FER: variants seen among roughly 807,000 people sequenced by gnomAD.
The protein encoded by FER is tyrosine-protein kinase Fer.
Under a neutral mutation model 111.0 loss-of-function variants are expected in FER, and 63 were observed. The observed-to-expected ratio is 0.57, with a 90% CI of 0.46 to 0.70. The LOEUF (loss-of-function observed/expected upper bound fraction) is 0.70, where lower values mean the gene tolerates loss of function less well. FER is among the 30% of genes least tolerant of loss of function. The pLI is 0.00. For synonymous variants in FER, 327 were observed against 313.9 expected, an observed-to-expected ratio of 1.04 and a Z score of -0.44; for missense variants, 914 against 954.0, an observed-to-expected ratio of 0.96 and a Z score of 0.55.
intron 18 of FER, among the ~76,000 whole-genome samples, chr5:109,185,634 G>C (rs527282819): frequency 3.3e-5 from 5 of 151,934 alleles, no homozygotes; most frequent in African/African-American, 7.3e-5. Flanking sequence ...TTTATTCTTG[G>C]GGGGAGGGAG....
At chr5:109,009,121 C>T (rs960529400) in intron 13 of FER, among the ~76,000 whole-genome samples, 1 of 144,328 alleles carries the variant, frequency 6.9e-6, no homozygotes, top group African/African-American at 2.6e-5. Flanking sequence ...GATCTCGGCT[C>T]CCTGCAACTG....
chr5:109,123,550 G>A (rs191848867), intron 17 of FER, among the ~76,000 whole-genome samples: 35 of 151,816 alleles, frequency 2.3e-4, no homozygotes, highest in African/African-American at 7.7e-4. Flanking sequence ...TCTCTTGTAT[G>A]TTTTTAAATT....
rs550231760 is a variant in FER at position 109,182,274 on chromosome 5, G to T, written c.2203+1373G>T. 3.9e-5 allele frequency among the ~76,000 whole-genome samples: 6 copies of T among 152,320 alleles called. No individual in the cohort carries two copies. The South Asian group carries it at 1.2e-3, about 32-fold the overall frequency. ...GCTTTTGAATGTAATTGGTTTGGAA[G>T]TTGATTGGGGCTGACCCAGCTACCA... On this transcript the variant is annotated intron_variant, in intron 18 of 19. Transcript: ENST00000281092.
At chr5:109,017,061 G>A (rs1452906121) in intron 13 of FER, among the ~76,000 whole-genome samples, 1 of 151,960 alleles carries the variant, frequency 6.6e-6, no homozygotes, top group African/African-American at 2.4e-5. Context: ...CTTTGTTATG[G>A]CAGCCTAAGC....
chr5:108,970,698 ATGAACT>A (rs1481987600), intron 13 of FER, among the ~76,000 whole-genome samples: 2 of 152,170 alleles, frequency 1.3e-5, no homozygotes, highest in South Asian at 2.1e-4. Flanking sequence ...AAAAAGGAAA[ATGAACT>A]TGAAGTAGGT....
intron 13 of FER, among the ~76,000 whole-genome samples, chr5:109,018,605 T>C (rs1467020042): frequency 6.6e-6 from 1 of 151,798 alleles, no homozygotes; most frequent in Non-Finnish European, 1.5e-5. Context: ...TCCTTATCTG[T>C]AAATTGTGGT....
At chr5:108,962,667 G>C (rs988994561) in intron 13 of FER, among the ~76,000 whole-genome samples, 9 of 152,092 alleles carry the variant, frequency 5.9e-5, no homozygotes, top group Admixed American at 2.0e-4. Context: ...TAGGAGCCCA[G>C]GTAATTGCTG....
intron 16 of FER, among the ~76,000 whole-genome samples, chr5:109,077,658 A>G (rs1776497565): frequency 6.6e-6 from 1 of 152,214 alleles, no homozygotes. Flanking sequence ...CATCAGGGCA[A>G]TATTCCTTGT....
rs376837075 is a variant in FER at position 108,832,750 on chromosome 5, CTTT to C, written c.208-6_208-4del. ...AAACCTTTAATGCAAATGTTTGTTTCTTTTTTTTTTTTTTTTAAGTCTTGGCTA... is the reference window on the plus strand; with the variant it reads ...AAACCTTTAATGCAAATGTTTGTTTCTTTTTTTTTTTTTAAGTCTTGGCTA... On this transcript the variant is annotated splice_polypyrimidine_tract_variant and intron_variant, in intron 3 of 19. Coordinates refer to ENST00000281092, the MANE Select transcript of FER (RefSeq NM_005246.4). 6.9e-4 allele frequency: 877 copies of C among 1,276,848 alleles called. No individual in the cohort carries two copies. The highest frequency in any genetic ancestry group is 2.9e-3 in the South Asian group (136 of 47,388). The allele number at this position is 1,276,848 out of a possible 1,614,324, so 79.1% of individuals were successfully genotyped here. A position where few individuals can be genotyped will look rare whatever the true frequency, so the allele number is the denominator to read the frequency against.
chr5:109,165,225 C>T (rs868091431), intron 17 of FER, among the ~76,000 whole-genome samples: 2 of 152,114 alleles, frequency 1.3e-5, no homozygotes, highest in African/African-American at 4.8e-5. Context: ...TCACATGTTA[C>T]TACTTTCTGA....
rs1388765591 is a variant in FER, at chr5:108,996,192, T to G, written c.1656+36845T>G. Among the ~76,000 whole-genome samples, 6 of 152,176 alleles carry G rather than the reference T, an allele frequency of 3.9e-5. No homozygotes were observed. In the East Asian group the frequency reaches 1.2e-3, roughly 29 times the overall value. On this transcript the variant is annotated intron_variant, in intron 13 of 19. Transcript: ENST00000281092. ...TGTCAGATGGAGAGATTGCAAAAATTTTCTCCCATTCTGTAGGTTGCGTGT... is the reference window on the plus strand; with the variant it reads ...TGTCAGATGGAGAGATTGCAAAAATGTTCTCCCATTCTGTAGGTTGCGTGT...
At chr5:109,052,288 T>C (rs1772944915) in intron 16 of FER, 3 of 1,609,356 alleles carry the variant, frequency 1.9e-6, no homozygotes, top group Admixed American at 1.7e-5. Flanking sequence ...ACCAGGTTGC[T>C]GAGTGTTACA....
chr5:108,757,011 T>C (rs1243593179), intron 1 of FER, among the ~76,000 whole-genome samples: 1 of 152,210 alleles, frequency 6.6e-6, no homozygotes, highest in Non-Finnish European at 1.5e-5. Flanking sequence ...CATGTTCTTT[T>C]TGTGATCTGG....
rs781010820 is a variant in FER, at chr5:108,832,749, TC to T, written c.208-20del. The T allele has an allele frequency of 1.7e-5, 24 of 1,427,846 alleles. No homozygotes were observed. The African/African-American group carries it at 1.9e-4, about 11-fold the overall frequency. The allele number at this position is 1,427,846 out of a possible 1,614,324, so 88.4% of individuals were successfully genotyped here. A position where few individuals can be genotyped will look rare whatever the true frequency, so the allele number is the denominator to read the frequency against. ...GAAACCTTTAATGCAAATGTTTGTT[TC>T]TTTTTTTTTTTTTTTTAAGTCTTGG... is the stretch of plus-strand genomic sequence containing the variant. On this transcript the variant is annotated intron_variant, in intron 3 of 19. Coordinates refer to ENST00000281092, the MANE Select transcript of FER (RefSeq NM_005246.4).
chr5:109,134,785 A>G (rs1013735300), intron 17 of FER, among the ~76,000 whole-genome samples: 25 of 152,320 alleles, frequency 1.6e-4, no homozygotes, highest in Admixed American at 2.6e-4. Flanking sequence ...CACTCATACT[A>G]TAAAAGTATG....
intron 17 of FER, among the ~76,000 whole-genome samples, chr5:109,140,339 T>A (rs1379980486): frequency 6.6e-6 from 1 of 152,218 alleles, no homozygotes; most frequent in Non-Finnish European, 1.5e-5. Flanking sequence ...TGAATTGGCA[T>A]CTAACCACAG....
rs368561599 is a variant in FER at position 109,070,837 on chromosome 5, G to T, written c.1924+23639G>T. ...ATTTGCAATGAAATAGAGGCAATTT[G>T]ATTATAATTAATGCAGTCATTTTGT... On this transcript the variant is annotated intron_variant, in intron 16 of 19. Coordinates refer to ENST00000281092, the MANE Select transcript of FER (RefSeq NM_005246.4). Among the ~76,000 whole-genome samples the T allele has an allele frequency of 2.6e-5, 4 of 152,028 alleles. No individual in the cohort carries two copies. In the East Asian group the frequency reaches 5.8e-4, roughly 22 times the overall value.
At chr5:109,157,568 T>C (rs1157622402) in intron 17 of FER, among the ~76,000 whole-genome samples, 3 of 152,120 alleles carry the variant, frequency 2.0e-5, no homozygotes, top group African/African-American at 7.2e-5. Flanking sequence ...TGAGTCTGCC[T>C]CTGTGCTCCA....
intron 5 of FER, among the ~76,000 whole-genome samples, chr5:108,853,586 G>A (rs556016109): frequency 6.0e-4 from 91 of 152,272 alleles, no homozygotes; most frequent in African/African-American, 2.2e-3. Context: ...TAGGTAGAGG[G>A]AATAACCAAA....
Sources: gnomAD v4.1 joint callset for allele counts (sites outside exome capture counted in the v4.1 genomes callset) on GRCh38, gnomAD v4.1.1 for gene constraint, MANE v1.5 for transcripts, NCBI Gene and HGNC (gene_info 2026-07-23, HGNC 2026-07-21) for gene names.